Variants in ADAMTSL1 observed in about 807,000 individuals in gnomAD.
ADAMTSL1 encodes the protein ADAMTS-like protein 1.
ADAMTSL1 carries 126 observed loss-of-function variants against 201.8 expected under a neutral mutation model. That is an observed-to-expected ratio of 0.62 (90% confidence interval 0.54 to 0.72). The LOEUF (loss-of-function observed/expected upper bound fraction) is 0.72, where lower values mean the gene tolerates loss of function less well. ADAMTSL1 is among the 30% of genes least tolerant of loss of function. The probability of loss-of-function intolerance (pLI) is 0.00; values close to 1 mark genes in which losing one functional copy is unlikely to be tolerated. For missense variants in ADAMTSL1, 2,679 were observed against 2,277.8 expected (o/e 1.18, Z -3.59); for synonymous variants, 1,121 against 903.4 (o/e 1.24, Z -4.32).
At chr9:18,829,615 T>G (rs770139341) in intron 22 of ADAMTSL1, among the ~76,000 whole-genome samples, 4 of 152,208 alleles carry the variant, frequency 2.6e-5, no homozygotes, top group Non-Finnish European at 5.9e-5. Flanking sequence ...CTGCTTCTTC[T>G]TACTGACCTT....
intron 1 of ADAMTSL1, among the ~76,000 whole-genome samples, chr9:17,965,881 C>G (rs755413059): frequency 5.1e-4 from 78 of 152,218 alleles, no homozygotes; most frequent in Non-Finnish European, 6.9e-4. Flanking sequence ...AGAAGTAAAG[C>G]CAGGCAGCTT....
rs557759786 is a variant in ADAMTSL1 at position 18,374,518 on chromosome 9, A to C, written c.208-130311A>C. On this transcript the variant is annotated intron_variant, in intron 2 of 29. Transcript: ENST00000680146. ...TGGCTAATTTTTGTATTTGTTGGAG[A>C]GATAGGTTTTTGCCATGTTGCCCAG... Among the ~76,000 whole-genome samples, 599 of 151,914 alleles carry C rather than the reference A, an allele frequency of 3.9e-3. 1 individual carries two copies. The highest frequency in any genetic ancestry group is 7.0e-3 in the Non-Finnish European group (474 of 67,938).
chr9:18,393,880 G>A (rs541436226), intron 2 of ADAMTSL1, among the ~76,000 whole-genome samples: 43 of 152,276 alleles, frequency 2.8e-4, no homozygotes, highest in Non-Finnish European at 4.6e-4. Flanking sequence ...GATACCATCC[G>A]GCTGTGAAAT....
intron 20 of ADAMTSL1, among the ~76,000 whole-genome samples, chr9:18,806,029 A>G (rs1480042144): frequency 6.6e-6 from 1 of 152,192 alleles, no homozygotes; most frequent in Non-Finnish European, 1.5e-5. Context: ...CTTGAAGTAC[A>G]ACTCATTTTT....
At chr9:17,965,383 T>G (rs377581856) in intron 1 of ADAMTSL1, among the ~76,000 whole-genome samples, 1 of 152,174 alleles carries the variant, frequency 6.6e-6, no homozygotes, top group Non-Finnish European at 1.5e-5. Context: ...TGATGAATTA[T>G]TATAGACCAT....
At chr9:18,162,643 A>G (rs1449981600) in intron 1 of ADAMTSL1, among the ~76,000 whole-genome samples, 3 of 152,054 alleles carry the variant, frequency 2.0e-5, no homozygotes, top group African/African-American at 4.8e-5. Flanking sequence ...TCCAAAAGAC[A>G]TACGGTTTAA....
chr9:18,634,995 G>T (rs748621548), intron 5 of ADAMTSL1, among the ~76,000 whole-genome samples: 2 of 149,904 alleles, frequency 1.3e-5, no homozygotes, highest in Non-Finnish European at 3.0e-5. Context: ...TTTAAAACCT[G>T]CCTTTCTCTT....
At chr9:18,673,802 G>A (rs1414719244) in intron 9 of ADAMTSL1, among the ~76,000 whole-genome samples, 2 of 152,132 alleles carry the variant, frequency 1.3e-5, no homozygotes, top group South Asian at 2.1e-4. Flanking sequence ...CTAGAGTAAT[G>A]TAAAATATAA....
At chr9:18,734,687 G>A (rs1159861161) in intron 15 of ADAMTSL1, among the ~76,000 whole-genome samples, 1 of 152,202 alleles carries the variant, frequency 6.6e-6, no homozygotes, top group Admixed American at 6.5e-5. Context: ...ATCCAGGTTA[G>A]AGAAGGTGAC....
chr9:18,804,185 CT>C (rs1016686036), intron 20 of ADAMTSL1, among the ~76,000 whole-genome samples: 1 of 152,160 alleles, frequency 6.6e-6, no homozygotes, highest in Non-Finnish European at 1.5e-5. Flanking sequence ...TATTAACTCC[CT>C]TTACCTGAAA....
intron 2 of ADAMTSL1, among the ~76,000 whole-genome samples, chr9:18,240,111 T>A (rs1831005759): frequency 6.6e-6 from 1 of 152,172 alleles, no homozygotes; most frequent in Non-Finnish European, 1.5e-5. Context: ...GGTTTTCCAC[T>A]TACTGTACCC....
chr9:18,727,799 G>A (rs955944202), intron 15 of ADAMTSL1, among the ~76,000 whole-genome samples: 1 of 152,178 alleles, frequency 6.6e-6, no homozygotes, highest in African/African-American at 2.4e-5. Flanking sequence ...TCACTTTGCG[G>A]CTGGGCACAG....
At chr9:18,876,499 C>T (rs1436654175) in intron 23 of ADAMTSL1, among the ~76,000 whole-genome samples, 1 of 152,088 alleles carries the variant, frequency 6.6e-6, no homozygotes, top group Non-Finnish European at 1.5e-5. Flanking sequence ...ACTATCTTTC[C>T]TTCATGTATG....
At chr9:18,034,971 G>A (rs1821128468) in intron 1 of ADAMTSL1, among the ~76,000 whole-genome samples, 1 of 152,106 alleles carries the variant, frequency 6.6e-6, no homozygotes, top group Non-Finnish European at 1.5e-5. Context: ...TATCTAGTCT[G>A]TATCCTGTGT....
intron 2 of ADAMTSL1, among the ~76,000 whole-genome samples, chr9:18,509,223 A>C (rs1817871892): frequency 1.1e-5 from 1 of 92,464 alleles, no homozygotes; most frequent in Non-Finnish European, 2.3e-5. Flanking sequence ...AAAAAAAAAA[A>C]AAAAAAAAAG....
intron 23 of ADAMTSL1, among the ~76,000 whole-genome samples, chr9:18,853,425 G>A (rs1288128527): frequency 1.3e-5 from 2 of 152,112 alleles, no homozygotes; most frequent in African/African-American, 2.4e-5. Context: ...CAATCCTAGG[G>A]TTGTGGGAAA....
chr9:18,773,891 G>T (rs1820834492), intron 17 of ADAMTSL1, among the ~76,000 whole-genome samples: 1 of 152,124 alleles, frequency 6.6e-6, no homozygotes, highest in Admixed American at 6.5e-5. Context: ...ATAAAATAAG[G>T]AATGGGTGGA....
chr9:18,573,678 T>A (rs1385330032), intron 3 of ADAMTSL1, among the ~76,000 whole-genome samples: 1 of 152,184 alleles, frequency 6.6e-6, no homozygotes, highest in Non-Finnish European at 1.5e-5. Flanking sequence ...TTTACTAGGT[T>A]CTACTTATGA....
intron 1 of ADAMTSL1, among the ~76,000 whole-genome samples, chr9:18,102,479 G>A (rs1179664067): frequency 6.6e-6 from 1 of 152,210 alleles, no homozygotes; most frequent in Non-Finnish European, 1.5e-5. Context: ...AGCATGAGAA[G>A]AGGGTCTTGG....
Sources: gnomAD v4.1 joint callset for allele counts (sites outside exome capture counted in the v4.1 genomes callset) on GRCh38, gnomAD v4.1.1 for gene constraint, MANE v1.5 for transcripts, NCBI Gene and HGNC (gene_info 2026-07-23, HGNC 2026-07-21) for gene names.